POU6F2: variants seen among roughly 807,000 people sequenced by gnomAD.
POU6F2 encodes POU domain, class 6, transcription factor 2.
POU6F2 carries 31 observed loss-of-function variants against 71.3 expected under a neutral mutation model. The observed-to-expected ratio is 0.43, with a 90% CI of 0.33 to 0.59. The LOEUF is 0.59. POU6F2 is among the 20% of genes least tolerant of loss of function. POU6F2 has a pLI of 0.04. For synonymous variants in POU6F2, 347 were observed against 355.7 expected (o/e 0.98, Z 0.27); for missense variants, 783 against 856.8 (o/e 0.91, Z 1.07).
chr7:39,132,271 T>G (rs935865944), intron 2 of POU6F2: 1 of 152,208 alleles, frequency 6.6e-6, no homozygotes, highest in African/African-American at 2.4e-5. Flanking sequence ...TGAATTCAAA[T>G]TTGCTCATAA....
At chr7:39,269,683 G>T in intron 4 of POU6F2, among the ~76,000 whole-genome samples, 1 of 152,184 alleles carries the variant, frequency 6.6e-6, no homozygotes. Flanking sequence ...CAGGTCCTCT[G>T]CAAGCACCCC....
chr7:38,999,129 T>C (rs900945046), intron 1 of POU6F2, among the ~76,000 whole-genome samples: 1 of 152,126 alleles, frequency 6.6e-6, no homozygotes, highest in Non-Finnish European at 1.5e-5. Flanking sequence ...TTGGGATAGA[T>C]CCTAATAGCA....
At chr7:39,153,419 C>T (rs780235113) in intron 2 of POU6F2, among the ~76,000 whole-genome samples, 17 of 152,014 alleles carry the variant, frequency 1.1e-4, no homozygotes, top group Non-Finnish European at 1.6e-4. Context: ...CTACACAATA[C>T]GATCGCATCC....
At chr7:39,176,120 C>G (rs555502050) in intron 2 of POU6F2, among the ~76,000 whole-genome samples, 1 of 152,090 alleles carries the variant, frequency 6.6e-6, no homozygotes, top group African/African-American at 2.4e-5. Context: ...TGCTTAACTC[C>G]GCCAAATAAC....
Position 39,460,537 on chromosome 7 carries a change from A to G in POU6F2, c.1490-10A>G. 1 of 1,612,900 alleles carries G rather than the reference A, an allele frequency of 6.2e-7. No homozygotes were observed. Among genetic ancestry groups the G allele is most frequent in the East Asian group, 2.2e-5 (1 of 44,858 alleles). ...ACGTATTGATCCTATTTTTAAAAAC[A>G]TCTCCACAGATCCTCAAACGGCAGC... On this transcript the variant is annotated splice_polypyrimidine_tract_variant and intron_variant, in intron 8 of 9. Transcript: ENST00000518318. This position sits in a 1 kb window ranked among gnomAD's most constrained non-coding sequence, Gnocchi z 4.4.
intron 4 of POU6F2, among the ~76,000 whole-genome samples, chr7:39,228,057 A>G (rs1208599933): frequency 6.6e-6 from 1 of 152,296 alleles, no homozygotes; most frequent in East Asian, 1.9e-4. Flanking sequence ...CTCTTCCTCT[A>G]TGCAGCTTTT....
chr7:39,204,475 C>A, intron 3 of POU6F2, 149 bp downstream of exon 3: 1 of 571,786 alleles, frequency 1.7e-6, no homozygotes, highest in Non-Finnish European at 3.0e-6. Context: ...TGTATGACTA[C>A]ATTATTTATT....
At position 39,460,221 on chromosome 7, in the gene POU6F2, C is replaced by T. The variant is rs1366424699; in HGVS notation, c.1490-326C>T. Among the ~76,000 whole-genome samples, 1 of 152,148 alleles carries T rather than the reference C, an allele frequency of 6.6e-6. No individual in the cohort carries two copies. The highest frequency in any genetic ancestry group is 1.5e-5 in the Non-Finnish European group (1 of 68,034). On this transcript the variant is annotated intron_variant, in intron 8 of 9. Coordinates refer to ENST00000518318, the MANE Select transcript of POU6F2 (RefSeq NM_001370959.1). This position sits in a 1 kb window ranked among gnomAD's most constrained non-coding sequence, Gnocchi z 4.4. ...AACATACTTATGGGCAAAATGGAGT[C>T]GCATTCCCATAGCAAGTGCCTCCCA...
At chr7:39,184,760 C>T (rs1301580000) in intron 2 of POU6F2, among the ~76,000 whole-genome samples, 1 of 152,140 alleles carries the variant, frequency 6.6e-6, no homozygotes, top group Non-Finnish European at 1.5e-5. Context: ...AAATATGAAA[C>T]ACACCAAATG....
At chr7:39,308,166 G>A (rs1022100746) in intron 4 of POU6F2, among the ~76,000 whole-genome samples, 1 of 152,134 alleles carries the variant, frequency 6.6e-6, no homozygotes, top group East Asian at 1.9e-4. Context: ...ATTCATAGAA[G>A]GAACTGCAAA....
intron 2 of POU6F2, among the ~76,000 whole-genome samples, chr7:39,131,828 T>G (rs1347182033): frequency 1.4e-5 from 2 of 140,180 alleles, no homozygotes; most frequent in Non-Finnish European, 3.2e-5. Flanking sequence ...GAGAGGCATC[T>G]ATTTTGTTTT....
chr7:39,174,089 A>G (rs989057855), intron 2 of POU6F2, among the ~76,000 whole-genome samples: 1 of 152,222 alleles, frequency 6.6e-6, no homozygotes, highest in Non-Finnish European at 1.5e-5. Context: ...GGAAAGATCT[A>G]CCAAGTGGGG....
At chr7:39,130,784 G>T (rs908325685) in intron 2 of POU6F2, among the ~76,000 whole-genome samples, 3 of 152,096 alleles carry the variant, frequency 2.0e-5, no homozygotes, top group African/African-American at 7.2e-5. Flanking sequence ...GAGTCTGGGT[G>T]GAATTGTCAG....
chr7:39,124,048 CTT>C (rs367553456), intron 2 of POU6F2, among the ~76,000 whole-genome samples: 4 of 130,168 alleles, frequency 3.1e-5, no homozygotes, highest in Non-Finnish European at 3.2e-5. Context: ...TAGACTGGGC[CTT>C]TTTTTTTTTT....
At chr7:39,308,639 T>C (rs1426434446) in intron 4 of POU6F2, among the ~76,000 whole-genome samples, 1 of 152,170 alleles carries the variant, frequency 6.6e-6, no homozygotes, top group Non-Finnish European at 1.5e-5. Flanking sequence ...GGGTTTCCAT[T>C]CTTCCTGTCC....
intron 5 of POU6F2, among the ~76,000 whole-genome samples, chr7:39,366,531 C>G (rs1182814172): frequency 6.6e-6 from 1 of 152,116 alleles, no homozygotes; most frequent in South Asian, 2.1e-4. Flanking sequence ...AAACTGTGGT[C>G]TTCAAGGAGA....
chr7:39,265,549 C>T (rs1337853553), intron 4 of POU6F2, among the ~76,000 whole-genome samples: 2 of 152,118 alleles, frequency 1.3e-5, no homozygotes, highest in African/African-American at 2.4e-5. Context: ...ATAGTTTTAC[C>T]GTTGAAATAC....
Position 39,468,004 on chromosome 7 carries a change from C to G in POU6F2, c.*3318C>G, listed in dbSNP as rs1789112720. ...TTCATCAATGTTTTACCTCAGCACT[C>G]TACTTGTACCCAGTTAATGACCAAG... On this transcript the variant is annotated 3_prime_UTR_variant, in exon 10 of 10. Coordinates refer to ENST00000518318, the MANE Select transcript of POU6F2 (RefSeq NM_001370959.1). 1 of 151,880 alleles carries G rather than the reference C, an allele frequency of 6.6e-6. No homozygotes were observed. The highest frequency in any genetic ancestry group is 2.1e-4 in the South Asian group (1 of 4,832). 9.4% of individuals were successfully genotyped at this position (151,880 alleles called of 1,614,324 possible).
intron 1 of POU6F2, among the ~76,000 whole-genome samples, chr7:39,010,330 T>C (rs1488164326): frequency 6.7e-6 from 1 of 148,276 alleles, no homozygotes; most frequent in Non-Finnish European, 1.5e-5. Flanking sequence ...TGTAGTATTC[T>C]CTGATGGTAG....
Sources: gnomAD v4.1 joint callset for allele counts (sites outside exome capture counted in the v4.1 genomes callset) on GRCh38, gnomAD v4.1.1 for gene constraint, Gnocchi (gnomAD v3.1) non-coding constraint, MANE v1.5 for transcripts, NCBI Gene and HGNC (gene_info 2026-07-23, HGNC 2026-07-21) for gene names.